The following TCF12 variants were observed in gnomAD, a reference collection of about 807,000 sequenced individuals.
TCF12 encodes transcription factor 12.
In TCF12, 45 loss-of-function variants were observed where a neutral mutation model predicts 86.0. The observed-to-expected ratio is 0.52, with a 90% CI of 0.41 to 0.67. The LOEUF (loss-of-function observed/expected upper bound fraction) is 0.67, where lower values mean the gene tolerates loss of function less well. Among genes scored for constraint, TCF12 ranks in the 30% least tolerant of loss-of-function variants. The pLI, the probability that TCF12 is intolerant of heterozygous loss-of-function variation, is 0.00. For synonymous variants in TCF12, 330 were observed against 299.6 expected (o/e 1.10, Z -1.05); for missense variants, 881 against 859.9 (o/e 1.02, Z -0.31).
chr15:57,178,365 T>G (rs1272435365), intron 6 of TCF12, among the ~76,000 whole-genome samples: 2 of 152,230 alleles, frequency 1.3e-5, no homozygotes, highest in Non-Finnish European at 2.9e-5. Flanking sequence ...AAGTATGGCA[T>G]GCCTAACTAT....
At chr15:56,990,673 T>TAG (rs1172188951) in intron 3 of TCF12, among the ~76,000 whole-genome samples, 2 of 152,226 alleles carry the variant, frequency 1.3e-5, no homozygotes, top group Non-Finnish European at 2.9e-5. Context: ...AACTTGTAGC[T>TAG]TGATAGCCCA....
intron 3 of TCF12, among the ~76,000 whole-genome samples, chr15:56,929,782 T>C (rs1230705057): frequency 1.3e-5 from 2 of 152,132 alleles, no homozygotes; most frequent in Non-Finnish European, 2.9e-5. Flanking sequence ...CTACCATAAC[T>C]TACTGTATTT....
intron 5 of TCF12, among the ~76,000 whole-genome samples, chr15:57,160,846 A>G (rs552240971): frequency 9.6e-4 from 145 of 150,738 alleles, no homozygotes; most frequent in Admixed American, 3.4e-3. Flanking sequence ...CACCATGCCC[A>G]GCTAAGTTTT....
chr15:57,230,187 T>C (rs530186080), intron 8 of TCF12, among the ~76,000 whole-genome samples: 1 of 152,146 alleles, frequency 6.6e-6, no homozygotes, highest in Non-Finnish European at 1.5e-5. Flanking sequence ...ATGTTAATGT[T>C]ATTCTGTTTC....
intron 5 of TCF12, among the ~76,000 whole-genome samples, chr15:57,112,208 T>C (rs58479554): frequency 0.24 from 35,924 of 152,006 alleles, 4,868 homozygotes; most frequent in East Asian, 0.4. Flanking sequence ...TAGAAAGGCC[T>C]GGGGGTGGGA....
intron 3 of TCF12, among the ~76,000 whole-genome samples, chr15:56,958,678 A>AGTGTGTGTGTGT (rs55707134): frequency 1.1e-4 from 16 of 142,252 alleles, no homozygotes; most frequent in East Asian, 1.0e-3. Flanking sequence ...AGAGAGAGAG[A>AGTGTGTGTGTGT]GTGTGTGTGT....
At chr15:57,247,915 A>G in intron 13 of TCF12, 1 of 762,092 alleles carries the variant, frequency 1.3e-6, no homozygotes, top group Non-Finnish European at 2.4e-6. Flanking sequence ...TGTAGTTTCA[A>G]AGCTCAGACC....
In TCF12 at chr15:56,954,935, G is replaced by A. The variant is rs533786761; in HGVS notation, c.148+33837G>A. Among the ~76,000 whole-genome samples, 513 of 152,232 alleles carry A rather than the reference G, an allele frequency of 3.4e-3. 5 individuals are homozygous for A. The highest frequency in any genetic ancestry group is 0.03 in the South Asian group (145 of 4,818). ...GGAGAGGATGTGGAGAAACAGGAACGCTTTTACACTGTTGGTGGGACCGTA... is the reference window on the plus strand; with the variant it reads ...GGAGAGGATGTGGAGAAACAGGAACACTTTTACACTGTTGGTGGGACCGTA... On this transcript the variant is annotated intron_variant, in intron 3 of 20. Transcript: ENST00000333725.
In TCF12 at chr15:57,132,552, T is replaced by C. The variant is rs1375878165; in HGVS notation, c.326-33850T>C. ...TGGCTCTGATGATTGATGTTCCTAA[T>C]GGAATCTAAGGACCTTTAAGGTGCC... On this transcript the variant is annotated intron_variant, in intron 5 of 20. Transcript: ENST00000333725. Among the ~76,000 whole-genome samples the C allele has an allele frequency of 3.3e-5, 5 of 152,348 alleles. No individual in the cohort carries two copies. The South Asian group carries it at 8.3e-4, about 25-fold the overall frequency.
At chr15:57,230,884 T>G (rs1405225857) in intron 8 of TCF12, among the ~76,000 whole-genome samples, 4 of 152,070 alleles carry the variant, frequency 2.6e-5, no homozygotes, top group African/African-American at 9.6e-5. Flanking sequence ...ATTCAGTCAC[T>G]TGGTGTAACT....
intron 9 of TCF12, 39 bp downstream of exon 9, chr15:57,231,296 C>CA: frequency 7.3e-7 from 1 of 1,364,004 alleles, no homozygotes; most frequent in Non-Finnish European, 1.0e-6. Context: ...CTACTGCAGT[C>CA]ATCTGTATAT....
chr15:57,120,288 G>A (rs574700322), intron 5 of TCF12, among the ~76,000 whole-genome samples: 1 of 152,262 alleles, frequency 6.6e-6, no homozygotes, highest in Admixed American at 6.5e-5. Flanking sequence ...TTGCTGTTTT[G>A]TCTGTGGCTC....
At chr15:56,951,343 C>T (rs887668125) in intron 3 of TCF12, among the ~76,000 whole-genome samples, 1 of 151,946 alleles carries the variant, frequency 6.6e-6, no homozygotes, top group Non-Finnish European at 1.5e-5. Flanking sequence ...TATCTTTTAT[C>T]TTGTTTGCTG....
chr15:57,040,858 T>G (rs1293306972), intron 3 of TCF12, among the ~76,000 whole-genome samples: 2 of 152,206 alleles, frequency 1.3e-5, no homozygotes, highest in Non-Finnish European at 2.9e-5. Flanking sequence ...GATTATATAG[T>G]TGGGTGTTGT....
intron 3 of TCF12, among the ~76,000 whole-genome samples, chr15:56,963,173 G>T (rs920421874): frequency 1.3e-5 from 2 of 150,810 alleles, no homozygotes; most frequent in Non-Finnish European, 2.9e-5. Context: ...TTTTATTGTC[G>T]TGGTATTTTG....
At chr15:57,237,515 G>A (rs1026382226) in intron 12 of TCF12, among the ~76,000 whole-genome samples, 1 of 152,100 alleles carries the variant, frequency 6.6e-6, no homozygotes, top group Non-Finnish European at 1.5e-5. Flanking sequence ...GCATATTACC[G>A]TTTAAGCCTG....
rs552470231 is a variant in TCF12, at chr15:57,081,663, A to G, written c.223-10126A>G. Among the ~76,000 whole-genome samples, 8 of 152,210 alleles carry G rather than the reference A, an allele frequency of 5.3e-5. No individual in the cohort carries two copies. The South Asian group carries it at 1.7e-3, about 32-fold the overall frequency. On this transcript the variant is annotated intron_variant, in intron 4 of 20. Coordinates refer to ENST00000333725, the MANE Select transcript of TCF12 (RefSeq NM_207037.2). ...AGCGATTCTCCTACCTCAGCCTCCC[A>G]AGTAGCTGGGACTACAGGCGCATGC...
At chr15:57,136,958 GTT>G (rs869113042) in intron 5 of TCF12, among the ~76,000 whole-genome samples, 3 of 83,000 alleles carry the variant, frequency 3.6e-5, no homozygotes, top group Admixed American at 1.6e-4. Flanking sequence ...GCTTCTGGCA[GTT>G]TTTTTTTTTG....
At chr15:57,276,831 G>C (rs2061420648) in intron 19 of TCF12, among the ~76,000 whole-genome samples, 1 of 129,018 alleles carries the variant, frequency 7.8e-6, no homozygotes, top group Admixed American at 9.3e-5. Flanking sequence ...TTGAGGCCGA[G>C]TCTCGCCCTG....
Sources: allele counts gnomAD v4.1 joint callset (sites outside exome capture counted in the v4.1 genomes callset), GRCh38; gene constraint gnomAD v4.1.1; transcripts MANE v1.5; gene names NCBI Gene and HGNC (gene_info 2026-07-23, HGNC 2026-07-21).